KRT14: variants seen among roughly 807,000 people sequenced by gnomAD.
KRT14 encodes keratin 14.
Under a neutral mutation model 44.5 loss-of-function variants are expected in KRT14, and 30 were observed. The observed-to-expected ratio is 0.67, with a 90% CI of 0.50 to 0.92. The LOEUF is 0.92. KRT14 is among the 40% of genes least tolerant of loss of function. The pLI is 0.00. For missense variants in KRT14, 535 were observed against 640.6 expected, an observed-to-expected ratio of 0.84 and a Z score of 1.78; for synonymous variants, 241 against 257.6, an observed-to-expected ratio of 0.94 and a Z score of 0.62.
rs3826549 is a variant in KRT14, at chr17:41,586,466, A to G, written c.369T>C (p.Asn123=). 944,591 of 1,613,754 alleles carry G rather than the reference A, an allele frequency of 0.59. 283,068 individuals are homozygous for G. Among genetic ancestry groups the G allele is most frequent in the East Asian group, 0.96 (42,956 of 44,840 alleles). Residue 123 remains asparagine (N), a synonymous_variant, in exon 1 of 8, where the codon AAT becomes AAC. Coordinates refer to ENST00000167586, the MANE Select transcript of KRT14 (RefSeq NM_000526.5). ...GSEKVTMQNL[N]DRLASYLDKV... is the part of the protein sequence containing the mutation. ...TGTCCAGGTAGGAGGCCAGGCGGTCATTGAGGTTCTGCATGGTCACCTTCT... is the reference window on the plus strand; with the variant it reads ...TGTCCAGGTAGGAGGCCAGGCGGTCGTTGAGGTTCTGCATGGTCACCTTCT...
Position 41,583,041 on chromosome 17 carries a change from TG to T in KRT14, c.1321+52del, listed in dbSNP as rs920158161. Reference sequence around the variant, plus strand: ...CCCCTAGCCAATGCCTAGACCTGCTTGGGGTACAGAGGGTGGCCTGGAGCCC... The same window carrying T: ...CCCCTAGCCAATGCCTAGACCTGCTTGGGTACAGAGGGTGGCCTGGAGCCC... On this transcript the variant is annotated intron_variant, in intron 7 of 7. Transcript: ENST00000167586. 5.4e-5 allele frequency: 84 copies of T among 1,551,054 alleles called. No homozygotes were observed. The African/African-American group carries it at 1.1e-3, about 20-fold the overall frequency.
At chr17:41,582,713 G>A (rs545956166) in intron 7 of KRT14, 181 bp from the exon 8 acceptor site, 20 of 647,090 alleles carry the variant, frequency 3.1e-5, no homozygotes, top group African/African-American at 2.1e-4. Flanking sequence ...TCTTTCAGAC[G>A]AGGGCTCCCA....
At position 41,585,010 on chromosome 17, in the gene KRT14, G is replaced by A; in HGVS notation, c.573C>T (p.Asp191=). The stretch of plus-strand genomic sequence containing the variant: ...AGTCATCCGCGGCCAGACGGGCATT[G>A]TCAATCTGCAGAAGGACATTGGCAT... ...VDNANVLLQI[D]NARLAADDFR... Residue 191 remains aspartate (D), a synonymous_variant, in exon 2 of 8, where the codon GAC becomes GAT. Transcript: ENST00000167586. The A allele has an allele frequency of 6.2e-7, 1 of 1,614,164 alleles. No homozygotes were observed. Among genetic ancestry groups the A allele is most frequent in the Non-Finnish European group, 8.5e-7 (1 of 1,179,968 alleles).
At position 41,584,320 on chromosome 17, in the gene KRT14, G is replaced by C; in HGVS notation, c.702C>G (p.Asp234Glu). 6.2e-7 allele frequency: 1 copy of C among 1,613,930 alleles called. No individual in the cohort carries two copies. The highest frequency in any genetic ancestry group is 8.5e-7 in the Non-Finnish European group (1 of 1,179,988). ...VLDELTLARA[D>E]LEMQIESLKE... is the part of the protein sequence containing the mutation. ...TCAGGCTCTCAATCTGCATCTCCAG[G>C]TCAGCTCTGGCCAGGGTCAGTTCGT... Residue 234 changes from aspartate to glutamate, a missense_variant, in exon 3 of 8, where the codon GAC becomes GAG. Physicochemically the swap from Asp to Glu is conservative, Grantham distance 45 (BLOSUM62 2). Transcript: ENST00000167586.
intron 5 of KRT14, 31 bp from the exon 6 acceptor site, chr17:41,583,486 A>G: frequency 6.2e-7 from 1 of 1,614,178 alleles, no homozygotes; most frequent in Non-Finnish European, 8.5e-7. Flanking sequence ...ATCAACGATT[A>G]GTGAGTGTGG....
In KRT14 at chr17:41,584,401, C is replaced by T; in HGVS notation, c.621G>A (p.Glu207=). The change falls in exon 3 of 8, where the codon GAG becomes GAA. Residue 207 remains glutamate, a synonymous_variant. Coordinates refer to ENST00000167586, the MANE Select transcript of KRT14 (RefSeq NM_000526.5). ...ADDFRTKYET[E]LNLRMSVEAD... ...CTTCCACACTCATGCGCAGGTTCAA[C>T]TCTGTCTCATACCTGGAATGACCCC... 1 of 1,614,120 alleles carries T rather than the reference C, an allele frequency of 6.2e-7. No individual in the cohort carries two copies. Among genetic ancestry groups the T allele is most frequent in the Non-Finnish European group, 8.5e-7 (1 of 1,180,026 alleles).
At position 41,584,426 on chromosome 17, in the gene KRT14, C is replaced by T; in HGVS notation, c.609-13G>A. The stretch of plus-strand genomic sequence containing the variant: ...CTCTGTCTCATACCTGGAATGACCC[C>T]AGAGAAAAGGTATGAGACACCCATC... On this transcript the variant is annotated splice_polypyrimidine_tract_variant and intron_variant, in intron 2 of 7. Transcript: ENST00000167586. The T allele has an allele frequency of 6.2e-7, 1 of 1,613,762 alleles. No homozygotes were observed. Among genetic ancestry groups the T allele is most frequent in the Non-Finnish European group, 8.5e-7 (1 of 1,179,918 alleles).
Position 41,585,003 on chromosome 17 carries a change from G to C in KRT14, c.580C>G (p.Arg194Gly). 6.2e-7 allele frequency: 1 copy of C among 1,614,092 alleles called. No individual in the cohort carries two copies. The highest frequency in any genetic ancestry group is 1.1e-5 in the South Asian group (1 of 91,076). ...GTGCGGAAGTCATCCGCGGCCAGACGGGCATTGTCAATCTGCAGAAGGACA... is the reference window on the plus strand; with the variant it reads ...GTGCGGAAGTCATCCGCGGCCAGACCGGCATTGTCAATCTGCAGAAGGACA... Reference protein sequence around the residue: ...ANVLLQIDNARLAADDFRTKY... With the variant: ...ANVLLQIDNAGLAADDFRTKY... The change falls in exon 2 of 8, where the codon CGT becomes GGT. Residue 194 changes from arginine (R) to glycine (G), a missense_variant. Arg to Gly is a moderately radical substitution (Grantham distance 125). Transcript: ENST00000167586.
Position 41,583,292 on chromosome 17 carries a change from G to A in KRT14, c.1217C>T (p.Thr406Met), listed in dbSNP as rs765424095. 1.7e-5 allele frequency: 27 copies of A among 1,613,498 alleles called. No homozygotes were observed. The highest frequency in any genetic ancestry group is 7.7e-5 in the South Asian group (7 of 91,062). Residue 406 changes from threonine to methionine, a missense_variant, in exon 6 of 8, where the codon ACG becomes ATG. Physicochemically the swap from Thr to Met is moderately conservative, Grantham distance 81 (BLOSUM62 -1). Coordinates refer to ENST00000167586, the MANE Select transcript of KRT14 (RefSeq NM_000526.5). ...GGTGGCGATCTCCTGCTCCAGCCGC[G>A]TCTTCACGTCCAGCAGGATCTTGTA... ...QEYKILLDVKTRLEQEIATYR... is the reference protein window; with the variant it reads ...QEYKILLDVKMRLEQEIATYR...
Position 41,585,021 on chromosome 17 carries a change from G to T in KRT14, c.562C>A (p.Leu188Met). 2 of 1,614,162 alleles carry T rather than the reference G, an allele frequency of 1.2e-6. No homozygotes were observed. The highest frequency in any genetic ancestry group is 1.7e-6 in the Non-Finnish European group (2 of 1,179,982). Residue 188 changes from leucine to methionine, a missense_variant, in exon 2 of 8, where the codon CTG becomes ATG. Transcript: ENST00000167586. ...GCCAGACGGGCATTGTCAATCTGCA[G>T]AAGGACATTGGCATTGTCCACTGTG... ...TATVDNANVL[L>M]QIDNARLAAD...
In KRT14 at chr17:41,584,391, G is replaced by T. The variant is rs369639773; in HGVS notation, c.631C>A (p.Arg211Ser). Residue 211 changes from arginine (R) to serine (S), a missense_variant, in exon 3 of 8, where the codon CGC becomes AGC. Physicochemically the swap from Arg to Ser is moderately radical, Grantham distance 110. Transcript: ENST00000167586. ...RTKYETELNL[R>S]MSVEADINGL... ...TTGATGTCGGCTTCCACACTCATGC[G>T]CAGGTTCAACTCTGTCTCATACCTG... 4 of 1,613,960 alleles carry T rather than the reference G, an allele frequency of 2.5e-6. No homozygotes were observed. The highest frequency in any genetic ancestry group is 3.4e-6 in the Non-Finnish European group (4 of 1,179,996).
chr17:41,586,496 G>A lies in KRT14; in HGVS notation c.339C>T (p.Gly113=). Reference sequence around the variant, plus strand: ...GGTTCTGCATGGTCACCTTCTCACTGCCCACCAGAAGCCCATCACCACCAG... The same window carrying A: ...GGTTCTGCATGGTCACCTTCTCACTACCCACCAGAAGCCCATCACCACCAG... ...GFAGGDGLLV[G]SEKVTMQNLN... The change falls in exon 1 of 8, where the codon GGC becomes GGT. Residue 113 remains glycine, a synonymous_variant. Transcript: ENST00000167586. The A allele has an allele frequency of 1.9e-6, 3 of 1,614,134 alleles. No homozygotes were observed. The highest frequency in any genetic ancestry group is 2.5e-6 in the Non-Finnish European group (3 of 1,180,012).
chr17:41,582,781 G>C, intron 7 of KRT14: 1 of 603,720 alleles, frequency 1.7e-6, no homozygotes, highest in South Asian at 2.0e-5. Flanking sequence ...CTCACACCTG[G>C]CTGGTTCCAT....
At chr17:41,586,163 A>G in intron 1 of KRT14, 147 bp downstream of exon 1, 1 of 957,508 alleles carries the variant, frequency 1.0e-6, no homozygotes. Flanking sequence ...CTCACTGATC[A>G]GTCTTAGGGC....
chr17:41,583,640 C>G lies in KRT14; in HGVS notation c.964G>C (p.Glu322Gln). 1 of 1,614,210 alleles carries G rather than the reference C, an allele frequency of 6.2e-7. No individual in the cohort carries two copies. Among genetic ancestry groups the G allele is most frequent in the Middle Eastern group, 1.6e-4 (1 of 6,062 alleles). Residue 322 changes from glutamate to glutamine, a missense_variant, in exon 5 of 8, where the codon GAG becomes CAG. Transcript: ENST00000167586. ...TCGCTCTTGCCGCTCTGCACCAGCT[C>G]GCTGTTGGTGGCCACCTCGCGGTTC... ...ELNREVATNS[E>Q]LVQSGKSEIS...
At chr17:41,584,057 C>G in intron 3 of KRT14, 136 bp from the exon 4 acceptor site, 1 of 531,942 alleles carries the variant, frequency 1.9e-6, no homozygotes, top group South Asian at 2.1e-5. Context: ...CTCAATCTCT[C>G]TCTCTCTCTC....
At position 41,582,405 on chromosome 17, in the gene KRT14, C is replaced by T. The variant is rs1360113029; in HGVS notation, c.*30G>A. The T allele has an allele frequency of 5.9e-6, 9 of 1,517,000 alleles. No homozygotes were observed. The highest frequency in any genetic ancestry group is 5.5e-5 in the African/African-American group (4 of 72,342). The allele number at this position is 1,517,000 out of a possible 1,614,324, so 94.0% of individuals were successfully genotyped here. A position where few individuals can be genotyped will look rare whatever the true frequency, so the allele number is the denominator to read the frequency against. ...GTGGGATCTGTGTCCACACGGGGGG[C>T]CTCCTAGGCCTGAGCGGGGCTGGGC... is the stretch of plus-strand genomic sequence containing the variant. On this transcript the variant is annotated 3_prime_UTR_variant, in exon 8 of 8. Coordinates refer to ENST00000167586, the MANE Select transcript of KRT14 (RefSeq NM_000526.5).
At chr17:41,585,104 A>T in intron 1 of KRT14, 47 bp from the exon 2 acceptor site, 3 of 1,381,850 alleles carry the variant, frequency 2.2e-6, no homozygotes, top group Non-Finnish European at 3.1e-6. Context: ...GGACTTCACA[A>T]GCTGGACTTC....
chr17:41,584,990 T>C lies in KRT14; in HGVS notation c.593A>G (p.Asp198Gly), dbSNP rs1324613854. 1.2e-6 allele frequency: 2 copies of C among 1,613,836 alleles called. No homozygotes were observed. The highest frequency in any genetic ancestry group is 1.7e-5 in the Admixed American group (1 of 60,000). ...LQIDNARLAA[D>G]DFRTKYETEL... ...TCAAACTCACTTGGTGCGGAAGTCATCCGCGGCCAGACGGGCATTGTCAAT... is the reference window on the plus strand; with the variant it reads ...TCAAACTCACTTGGTGCGGAAGTCACCCGCGGCCAGACGGGCATTGTCAAT... Residue 198 changes from aspartate to glycine, a missense_variant, in exon 2 of 8, where the codon GAT (aspartate) becomes GGT (glycine). By Grantham distance (94) the Asp-to-Gly change is moderately conservative. Transcript: ENST00000167586.
Sources: allele counts gnomAD v4.1 joint callset, GRCh38; gene constraint gnomAD v4.1.1; transcripts MANE v1.5; gene names NCBI Gene and HGNC (gene_info 2026-07-23, HGNC 2026-07-21).